METTL9: variants seen among roughly 807,000 people sequenced by gnomAD.
METTL9 encodes the protein protein-L-histidine N-pros-methyltransferase.
METTL9 carries 10 observed loss-of-function variants against 36.0 expected under a neutral mutation model. That is an observed-to-expected ratio of 0.28 (90% CI 0.17 to 0.47). METTL9 has a LOEUF of 0.47. METTL9 is among the 20% of genes least tolerant of loss of function. METTL9 has a pLI of 0.99. For missense variants in METTL9, 246 were observed against 383.5 expected (o/e 0.64, Z 3.00); for synonymous variants, 175 against 149.7 (o/e 1.17, Z -1.23).
chr16:21,613,168 CTTTTTTTTTTTTTTTTTTTTT>C (rs57388340), intron 2 of METTL9, among the ~76,000 whole-genome samples: 3 of 91,440 alleles, frequency 3.3e-5, no homozygotes, highest in Admixed American at 1.2e-4. Context: ...TGAGAGTCTG[CTTTTTTTTTTTTTTTTTTTTT>C]TTTTTTTTTT....
intron 1 of METTL9, among the ~76,000 whole-genome samples, chr16:21,609,063 G>A (rs575013351): frequency 2.0e-4 from 31 of 152,316 alleles, no homozygotes; most frequent in African/African-American, 7.5e-4. Context: ...TTGGTGCCTG[G>A]TGCATGATAG....
chr16:21,626,133 A>T (rs1041679504), intron 4 of METTL9, among the ~76,000 whole-genome samples: 3 of 152,032 alleles, frequency 2.0e-5, no homozygotes, highest in African/African-American at 4.8e-5. Context: ...CTAACTCCTG[A>T]TCTCAGGTGA....
In METTL9 at chr16:21,599,929, G is replaced by T; in HGVS notation, c.165+31G>T. The T allele has an allele frequency of 7.6e-7, 1 of 1,308,820 alleles. No individual in the cohort carries two copies. Among genetic ancestry groups the T allele is most frequent in the Non-Finnish European group, 9.7e-7 (1 of 1,034,994 alleles). The allele number at this position is 1,308,820 out of a possible 1,614,324, so 81.1% of individuals were successfully genotyped here. A position where few individuals can be genotyped will look rare whatever the true frequency, so the allele number is the denominator to read the frequency against. ...GGCTGGGGCCGGGGCCGGGGCGGGG[G>T]CGTGGCGGCCCGGCCTTCCCGCGCT... On this transcript the variant is annotated intron_variant, in intron 1 of 4. Coordinates refer to ENST00000358154, the MANE Select transcript of METTL9 (RefSeq NM_016025.5). The surrounding 1 kb of genome is among the most constrained non-coding windows in gnomAD (Gnocchi z 4.4).
At chr16:21,599,543 A>AG (rs1291643233), upstream of METTL9, 1 of 1,277,192 alleles carries the variant, frequency 7.8e-7, no homozygotes, top group East Asian at 3.4e-5. The surrounding 1 kb of genome is among the most constrained non-coding windows in gnomAD (Gnocchi z 4.4). Context: ...CCGGAAGGGA[A>AG]GGGGGAGGTG....
At chr16:21,643,999 C>T (rs573323182) in intron 4 of METTL9, among the ~76,000 whole-genome samples, 1 of 152,124 alleles carries the variant, frequency 6.6e-6, no homozygotes, top group Non-Finnish European at 1.5e-5. Flanking sequence ...ACACCTCACC[C>T]CTACAGCAGA....
At chr16:21,624,241 T>A (rs1380629347) in intron 3 of METTL9, among the ~76,000 whole-genome samples, 1 of 152,244 alleles carries the variant, frequency 6.6e-6, no homozygotes, top group African/African-American at 2.4e-5. Context: ...AATTATATGA[T>A]GCATTTTTTG....
chr16:21,624,891 A>T, intron 3 of METTL9, 40 bp from the exon 4 acceptor site: 1 of 1,566,322 alleles, frequency 6.4e-7, no homozygotes, highest in Non-Finnish European at 8.8e-7. Flanking sequence ...ATGTCTTTAG[A>T]GGGACTTTAT....
chr16:21,651,409 C>G (rs1463423055), intron 4 of METTL9, among the ~76,000 whole-genome samples: 1 of 152,120 alleles, frequency 6.6e-6, no homozygotes, highest in African/African-American at 2.4e-5. Flanking sequence ...ATCCTCCTGC[C>G]TCAGCCTCCC....
Position 21,647,571 on chromosome 16 carries a change from A to T in METTL9, c.752-7656A>T, listed in dbSNP as rs895978841. On this transcript the variant is annotated intron_variant, in intron 4 of 4. Transcript: ENST00000358154. ...TTTTATTATATTTTTGAGGTAGGAA[A>T]CCCAGCCATTCTGTTATTTTTCTTA... is the stretch of plus-strand genomic sequence containing the variant. The T allele has an allele frequency of 6.0e-6, 9 of 1,499,104 alleles. No individual in the cohort carries two copies. The Admixed American group carries it at 8.8e-5, about 15-fold the overall frequency. 92.9% of individuals were successfully genotyped at this position (1,499,104 alleles called of 1,614,324 possible).
chr16:21,643,643 A>T (rs372921992), intron 4 of METTL9: 1 of 1,317,770 alleles, frequency 7.6e-7, no homozygotes, highest in African/African-American at 1.5e-5. Context: ...TTATGTACTC[A>T]TAACAATGGT....
rs112413547 is a variant in METTL9 at position 21,600,669 on chromosome 16, G to C, written c.165+771G>C. ...TGAGCGTTACGCTGTGACCGGGTAG[G>C]TAGGCTTTTCATTAGCTCAGTCTTG... On this transcript the variant is annotated intron_variant, in intron 1 of 4. Coordinates refer to ENST00000358154, the MANE Select transcript of METTL9 (RefSeq NM_016025.5). Among the ~76,000 whole-genome samples the C allele has an allele frequency of 1.5e-3, 222 of 152,294 alleles. 1 individual carries two copies. The highest frequency in any genetic ancestry group is 2.2e-3 in the Non-Finnish European group (147 of 68,040).
chr16:21,600,052 C>T (rs1258263709), intron 1 of METTL9, among the ~76,000 whole-genome samples, 154 bp downstream of exon 1: 1 of 151,926 alleles, frequency 6.6e-6, no homozygotes, highest in Non-Finnish European at 1.5e-5. Context: ...GCCTTCCCCG[C>T]CGGGCGTCGA....
chr16:21,636,292 T>A (rs1966089829), intron 4 of METTL9, among the ~76,000 whole-genome samples: 1 of 152,102 alleles, frequency 6.6e-6, no homozygotes, highest in Non-Finnish European at 1.5e-5. Flanking sequence ...AATTCCAGAG[T>A]TCCCCCTATG....
At chr16:21,645,457 T>TA (rs1044607888) in intron 4 of METTL9, among the ~76,000 whole-genome samples, 5 of 151,326 alleles carry the variant, frequency 3.3e-5, no homozygotes, top group Admixed American at 2.6e-4. Context: ...ACTCTTGTCT[T>TA]AAAAAAAAAG....
At chr16:21,598,435 T>C (rs1965004194), upstream of METTL9, among the ~76,000 whole-genome samples, 1 of 151,796 alleles carries the variant, frequency 6.6e-6, no homozygotes, top group Non-Finnish European at 1.5e-5. Context: ...GTTTCATAAA[T>C]GAAAATCTCT....
In METTL9 at chr16:21,656,335, C is replaced by G. The variant is rs1966710215; in HGVS notation, c.*903C>G. On this transcript the variant is annotated 3_prime_UTR_variant, in exon 5 of 5. Coordinates refer to ENST00000358154, the MANE Select transcript of METTL9 (RefSeq NM_016025.5). ...TTCAGTTTTGTCTACTGACAAAATG[C>G]AACTAAAAATGTTTTAATTCAACTT... The G allele has an allele frequency of 6.6e-6, 1 of 152,076 alleles. No homozygotes were observed. The allele number at this position is 152,076 out of a possible 1,614,324, so 9.4% of individuals were successfully genotyped here. A position where few individuals can be genotyped will look rare whatever the true frequency, so the allele number is the denominator to read the frequency against.
chr16:21,648,870 CAG>C (rs1442021283), intron 4 of METTL9, among the ~76,000 whole-genome samples: 3 of 152,200 alleles, frequency 2.0e-5, no homozygotes, highest in African/African-American at 2.4e-5. Context: ...AATTTTCAGA[CAG>C]GGGCTTTTTT....
chr16:21,606,655 A>T (rs979561618), intron 1 of METTL9, among the ~76,000 whole-genome samples: 3 of 152,078 alleles, frequency 2.0e-5, no homozygotes, highest in African/African-American at 7.2e-5. Context: ...CCCCATCCTG[A>T]AGCTGTCTGG....
chr16:21,610,635 T>C (rs575802026), intron 1 of METTL9, among the ~76,000 whole-genome samples: 1 of 152,330 alleles, frequency 6.6e-6, no homozygotes, highest in East Asian at 1.9e-4. Flanking sequence ...AGAAAAATGC[T>C]ATTAAAAACT....
Sources: gnomAD v4.1 joint callset for allele counts (sites outside exome capture counted in the v4.1 genomes callset) on GRCh38, gnomAD v4.1.1 for gene constraint, Gnocchi (gnomAD v3.1) non-coding constraint, MANE v1.5 for transcripts, NCBI Gene and HGNC (gene_info 2026-07-23, HGNC 2026-07-21) for gene names.